CTNNA3: variants seen among roughly 807,000 people sequenced by gnomAD.
CTNNA3 encodes the protein catenin alpha-3.
In CTNNA3, 76 loss-of-function variants were observed where a neutral mutation model predicts 95.7. The observed-to-expected ratio is 0.79, with a 90% CI of 0.66 to 0.96. The LOEUF (loss-of-function observed/expected upper bound fraction) is 0.96, where lower values mean the gene tolerates loss of function less well. Ranked by LOEUF, CTNNA3 falls within the 40% of genes least tolerant of loss-of-function variation. The pLI, the probability that CTNNA3 is intolerant of heterozygous loss-of-function variation, is 0.00. For synonymous variants in CTNNA3, 431 were observed against 374.4 expected (o/e 1.15, Z -1.74); for missense variants, 1,191 against 1,089.8 (o/e 1.09, Z -1.31).
chr10:66,179,035 G>A (rs2085891452), intron 13 of CTNNA3, among the ~76,000 whole-genome samples: 2 of 151,872 alleles, frequency 1.3e-5, no homozygotes, highest in Non-Finnish European at 2.9e-5. Flanking sequence ...TACATAATCA[G>A]CAATTGCCTT....
At chr10:67,327,588 A>C (rs943551653) in intron 5 of CTNNA3, among the ~76,000 whole-genome samples, 1 of 152,178 alleles carries the variant, frequency 6.6e-6, no homozygotes, top group Non-Finnish European at 1.5e-5. Context: ...TGAGGTTAGG[A>C]ATCCACTTCA....
intron 11 of CTNNA3, among the ~76,000 whole-genome samples, chr10:66,503,166 C>G (rs757222685): frequency 6.6e-6 from 1 of 152,102 alleles, no homozygotes; most frequent in Non-Finnish European, 1.5e-5. Flanking sequence ...ATGTCCTAGA[C>G]ACTATTCAAA....
intron 7 of CTNNA3, among the ~76,000 whole-genome samples, chr10:66,827,527 G>A (rs1186440224): frequency 2.6e-5 from 4 of 152,072 alleles, no homozygotes; most frequent in Admixed American, 2.0e-4. Context: ...AAAAAGTCTC[G>A]TAATTGGAAA....
At chr10:66,941,408 G>C (rs1001097707) in intron 7 of CTNNA3, among the ~76,000 whole-genome samples, 2 of 152,206 alleles carry the variant, frequency 1.3e-5, no homozygotes, top group African/African-American at 4.8e-5. Context: ...GCACTGCCAG[G>C]AGAATATCTT....
At chr10:67,219,971 T>C (rs1864576336) in intron 5 of CTNNA3, 101 bp from the exon 6 acceptor site, 1 of 938,744 alleles carries the variant, frequency 1.1e-6, no homozygotes, top group East Asian at 2.5e-5. Context: ...GAAAAGATAA[T>C]AGACATGAAG....
chr10:66,901,442 T>C (rs1845741478), intron 7 of CTNNA3, among the ~76,000 whole-genome samples: 1 of 152,156 alleles, frequency 6.6e-6, no homozygotes, highest in Non-Finnish European at 1.5e-5. Flanking sequence ...CTAAAGACCA[T>C]AGATGCTATG....
intron 13 of CTNNA3, among the ~76,000 whole-genome samples, chr10:66,228,112 A>G: frequency 6.6e-6 from 1 of 151,910 alleles, no homozygotes; most frequent in East Asian, 1.9e-4. Context: ...TTTCCAAAAC[A>G]CTATCATTAT....
chr10:66,840,108 C>T (rs549751323), intron 7 of CTNNA3, among the ~76,000 whole-genome samples: 1 of 152,226 alleles, frequency 6.6e-6, no homozygotes, highest in South Asian at 2.1e-4. Context: ...TTACTTAAAA[C>T]ACATTCTGGC....
At chr10:67,596,353 G>C (rs1842932046) in intron 3 of CTNNA3, among the ~76,000 whole-genome samples, 2 of 152,124 alleles carry the variant, frequency 1.3e-5, no homozygotes, top group African/African-American at 4.8e-5. Flanking sequence ...CCTTGGTGAT[G>C]ACCTTGAGTA....
intron 13 of CTNNA3, among the ~76,000 whole-genome samples, chr10:66,272,216 A>G (rs2091297433): frequency 6.6e-6 from 1 of 152,204 alleles, no homozygotes; most frequent in Non-Finnish European, 1.5e-5. Context: ...TGGTCCTGAC[A>G]CTAGAAAAGA....
chr10:67,749,840 T>C (rs189903506), intron 1 of CTNNA3, among the ~76,000 whole-genome samples: 2 of 152,072 alleles, frequency 1.3e-5, no homozygotes, highest in South Asian at 2.1e-4. Flanking sequence ...GACAGAGACA[T>C]GAAAAACCCT....
chr10:66,063,979 T>C (rs2080262632), intron 15 of CTNNA3, among the ~76,000 whole-genome samples: 1 of 152,182 alleles, frequency 6.6e-6, no homozygotes, highest in African/African-American at 2.4e-5. Flanking sequence ...TTTGTTGTCA[T>C]TGATTGTATT....
intron 1 of CTNNA3, among the ~76,000 whole-genome samples, chr10:67,672,681 A>G (rs563627897): frequency 3.9e-5 from 6 of 152,092 alleles, no homozygotes; most frequent in African/African-American, 1.2e-4. Flanking sequence ...GATATGAGGC[A>G]TTATTTCTGA....
intron 3 of CTNNA3, among the ~76,000 whole-genome samples, chr10:67,545,989 T>C (rs1840833548): frequency 1.3e-5 from 2 of 152,192 alleles, no homozygotes; most frequent in South Asian, 4.1e-4. Context: ...TTTTGTACAA[T>C]GTATCTATAA....
chr10:67,507,726 G>A (rs1839473231), intron 5 of CTNNA3, among the ~76,000 whole-genome samples: 1 of 152,128 alleles, frequency 6.6e-6, no homozygotes, highest in East Asian at 1.9e-4. Context: ...CATTTTATGA[G>A]GCCAACATTA....
intron 7 of CTNNA3, among the ~76,000 whole-genome samples, chr10:67,017,353 G>C: frequency 6.6e-6 from 1 of 152,322 alleles, no homozygotes; most frequent in Middle Eastern, 3.4e-3. Flanking sequence ...GAGAAAGGCT[G>C]TTTCTGATTA....
chr10:67,004,159 T>A (rs1007034414), intron 7 of CTNNA3, among the ~76,000 whole-genome samples: 1 of 151,724 alleles, frequency 6.6e-6, no homozygotes, highest in Non-Finnish European at 1.5e-5. Flanking sequence ...TGTATTTGAG[T>A]AGTGACAAAT....
intron 6 of CTNNA3, among the ~76,000 whole-genome samples, chr10:67,191,823 C>A (rs966954059): frequency 6.6e-6 from 1 of 151,962 alleles, no homozygotes; most frequent in South Asian, 2.1e-4. Flanking sequence ...GGAGGGATCA[C>A]ACTTCCTGAT....
At chr10:67,658,918 T>C (rs1482683946) in intron 1 of CTNNA3, among the ~76,000 whole-genome samples, 4 of 152,206 alleles carry the variant, frequency 2.6e-5, no homozygotes, top group African/African-American at 9.6e-5. Flanking sequence ...AACCTTTAGA[T>C]AGCCATCTTA....
Sources: gnomAD v4.1 joint callset for allele counts (sites outside exome capture counted in the v4.1 genomes callset) on GRCh38, gnomAD v4.1.1 for gene constraint, MANE v1.5 for transcripts, NCBI Gene and HGNC (gene_info 2026-07-23, HGNC 2026-07-21) for gene names.